The following CNTNAP2 variants were observed in gnomAD, a reference collection of about 807,000 sequenced individuals.
CNTNAP2 encodes contactin associated protein 2, also known as contactin-associated protein-like 2.
Under a neutral mutation model 155.2 loss-of-function variants are expected in CNTNAP2, and 98 were observed. The observed-to-expected ratio is 0.63, with a 90% CI of 0.54 to 0.75. The LOEUF (loss-of-function observed/expected upper bound fraction) is 0.75. Among genes scored for constraint, CNTNAP2 ranks in the 30% least tolerant of loss-of-function variants. CNTNAP2 has a pLI of 0.00. For missense variants in CNTNAP2, 1,727 were observed against 1,688.1 expected, an observed-to-expected ratio of 1.02 and a Z score of -0.40; for synonymous variants, 651 against 631.2, an observed-to-expected ratio of 1.03 and a Z score of -0.47.
At position 148,263,580 on chromosome 7, in the gene CNTNAP2, T is replaced by C. The variant is rs542804187; in HGVS notation, c.3382-3453T>C. ...AGTGAAACCCCGTCTCTACTAAAAA[T>C]ACAAAAATTAGCCGGGCGTGGTGGC... On this transcript the variant is annotated intron_variant, in intron 20 of 23. Transcript: ENST00000361727. 1.0e-3 allele frequency among the ~76,000 whole-genome samples: 153 copies of C among 151,794 alleles called. 2 individuals are homozygous for C. The highest frequency in any genetic ancestry group is 3.5e-3 in the African/African-American group (144 of 41,406).
intron 3 of CNTNAP2, among the ~76,000 whole-genome samples, chr7:146,872,824 A>G (rs1458728233): frequency 6.6e-6 from 1 of 152,244 alleles, no homozygotes; most frequent in Non-Finnish European, 1.5e-5. Context: ...TAATTTAAGC[A>G]AATTGTCATG....
intron 1 of CNTNAP2, among the ~76,000 whole-genome samples, chr7:146,568,475 A>C (rs1177848330): frequency 6.6e-6 from 1 of 152,146 alleles, no homozygotes; most frequent in Non-Finnish European, 1.5e-5. Flanking sequence ...AACCTCTTTC[A>C]TTGCTTAATG....
At chr7:146,185,276 A>G (rs1292560392) in intron 1 of CNTNAP2, among the ~76,000 whole-genome samples, 1 of 152,184 alleles carries the variant, frequency 6.6e-6, no homozygotes, top group Non-Finnish European at 1.5e-5. Context: ...CTGGGAGGAA[A>G]GTATGTTTAA....
chr7:146,747,961 A>G (rs1801836707), intron 1 of CNTNAP2, among the ~76,000 whole-genome samples: 1 of 152,060 alleles, frequency 6.6e-6, no homozygotes, highest in Non-Finnish European at 1.5e-5. Context: ...TGCCTGCTAT[A>G]GGCTTAATGA....
intron 1 of CNTNAP2, among the ~76,000 whole-genome samples, chr7:146,447,643 T>C (rs1371530128): frequency 6.6e-6 from 1 of 152,012 alleles, no homozygotes; most frequent in Non-Finnish European, 1.5e-5. Context: ...TCATGCTTCA[T>C]TAACACCTGT....
intron 3 of CNTNAP2, among the ~76,000 whole-genome samples, chr7:146,933,748 A>G (rs887445549): frequency 2.6e-5 from 4 of 152,086 alleles, no homozygotes; most frequent in African/African-American, 9.7e-5. Flanking sequence ...ACAAGAAAAA[A>G]AAACAAACAA....
intron 13 of CNTNAP2, among the ~76,000 whole-genome samples, chr7:147,746,455 C>A (rs751525927): frequency 2.0e-5 from 3 of 152,164 alleles, no homozygotes; most frequent in Non-Finnish European, 2.9e-5. Context: ...ACGTCTTCCG[C>A]TGGGACGAGG....
Position 147,494,167 on chromosome 7 carries a change from A to G in CNTNAP2, c.1777+8126A>G, listed in dbSNP as rs558996601. Among the ~76,000 whole-genome samples the G allele has an allele frequency of 3.3e-5, 5 of 152,298 alleles. No individual in the cohort carries two copies. In the East Asian group the frequency reaches 9.7e-4, roughly 29 times the overall value. On this transcript the variant is annotated intron_variant, in intron 11 of 23. Transcript: ENST00000361727. ...TCATATTCATCTGGCACCTACACAG[A>G]AAATAAGATGGAAAGAGCTGTGAAA...
At chr7:148,265,640 GTTTAC>G (rs1316165123) in intron 20 of CNTNAP2, among the ~76,000 whole-genome samples, 3 of 152,254 alleles carry the variant, frequency 2.0e-5, no homozygotes, top group South Asian at 2.1e-4. Flanking sequence ...GCATGCAAAT[GTTTAC>G]TTTAATAGTT....
At chr7:147,292,238 A>G (rs1805330269) in intron 8 of CNTNAP2, among the ~76,000 whole-genome samples, 1 of 152,174 alleles carries the variant, frequency 6.6e-6, no homozygotes, top group African/African-American at 2.4e-5. Context: ...TCAAAAATAC[A>G]TCTTCTCTGT....
rs1261074762 is a variant in CNTNAP2 at position 147,043,921 on chromosome 7, C to T, written c.417C>T (p.Asn139=). 1.2e-6 allele frequency: 2 copies of T among 1,614,010 alleles called. No homozygotes were observed. The highest frequency in any genetic ancestry group is 1.7e-6 in the Non-Finnish European group (2 of 1,179,998). Residue 139 remains asparagine, a synonymous_variant, in exon 4 of 24, where the codon AAC becomes AAT. Coordinates refer to ENST00000361727, the MANE Select transcript of CNTNAP2 (RefSeq NM_014141.6). Reference sequence around the variant, plus strand: ...TCCTTTTCCAGGCATTTCCCGGAAACATTAACTCTGACGGTGTGGTCCGGC... The same window carrying T: ...TCCTTTTCCAGGCATTTCCCGGAAATATTAACTCTGACGGTGTGGTCCGGC... ...QDGNIWAFPG[N]INSDGVVRHE...
intron 16 of CNTNAP2, among the ~76,000 whole-genome samples, chr7:148,137,820 A>G (rs2116638797): frequency 6.6e-6 from 1 of 152,210 alleles, no homozygotes; most frequent in East Asian, 1.9e-4. Flanking sequence ...TTTCTCCACT[A>G]TTTGTCCAAT....
At chr7:146,523,516 C>A (rs550544134) in intron 1 of CNTNAP2, among the ~76,000 whole-genome samples, 5 of 152,098 alleles carry the variant, frequency 3.3e-5, no homozygotes, top group African/African-American at 9.6e-5. Context: ...CCAAAATAAC[C>A]TTTCCAACCT....
At chr7:147,960,598 G>A (rs1345969309) in intron 14 of CNTNAP2, among the ~76,000 whole-genome samples, 2 of 152,110 alleles carry the variant, frequency 1.3e-5, no homozygotes, top group African/African-American at 4.8e-5. Flanking sequence ...GTACAATAGT[G>A]ACAGTAATAG....
At chr7:147,374,364 C>G (rs2116920205) in intron 9 of CNTNAP2, among the ~76,000 whole-genome samples, 1 of 151,978 alleles carries the variant, frequency 6.6e-6, no homozygotes, top group South Asian at 2.1e-4. Context: ...TATTTATAGG[C>G]CTCTTTAGAT....
intron 10 of CNTNAP2, among the ~76,000 whole-genome samples, chr7:147,426,276 C>T (rs1797376283): frequency 6.6e-6 from 1 of 151,420 alleles, no homozygotes; most frequent in Non-Finnish European, 1.5e-5. Context: ...TTGCTTTTAC[C>T]TTACTCAGTT....
At chr7:147,571,280 C>A (rs759617274) in intron 12 of CNTNAP2, among the ~76,000 whole-genome samples, 1 of 113,910 alleles carries the variant, frequency 8.8e-6, no homozygotes, top group Non-Finnish European at 1.7e-5. Flanking sequence ...CTCCCCCCAC[C>A]CCACAACAGT....
intron 9 of CNTNAP2, among the ~76,000 whole-genome samples, chr7:147,346,872 G>A (rs1316192100): frequency 6.6e-6 from 1 of 151,882 alleles, no homozygotes; most frequent in African/African-American, 2.4e-5. Flanking sequence ...CTGTACCATT[G>A]CTTTTATCAC....
At chr7:148,134,891 TC>T in intron 16 of CNTNAP2, among the ~76,000 whole-genome samples, 1 of 152,330 alleles carries the variant, frequency 6.6e-6, no homozygotes, top group East Asian at 1.9e-4. Context: ...CATTTTGGTG[TC>T]TATATTTCTA....
Sources: allele counts gnomAD v4.1 joint callset (sites outside exome capture counted in the v4.1 genomes callset), GRCh38; gene constraint gnomAD v4.1.1; transcripts MANE v1.5; gene names NCBI Gene and HGNC (gene_info 2026-07-23, HGNC 2026-07-21).